The following MGAT4C variants were observed in gnomAD, a reference collection of about 807,000 sequenced individuals.
The protein encoded by MGAT4C is alpha-1,3-mannosyl-glycoprotein 4-beta-N-acetylglucosaminyltransferase C.
In MGAT4C, 19 loss-of-function variants were observed where a neutral mutation model predicts 40.1. That is an observed-to-expected ratio of 0.47 (90% CI 0.33 to 0.70). The LOEUF (loss-of-function observed/expected upper bound fraction) is 0.70. MGAT4C is among the 30% of genes least tolerant of loss of function. MGAT4C has a pLI of 0.02. For synonymous variants in MGAT4C, 181 were observed against 187.1 expected (o/e 0.97, Z 0.27); for missense variants, 491 against 563.2 (o/e 0.87, Z 1.30).
chr12:86,200,391 A>T (rs956437705), intron 1 of MGAT4C, among the ~76,000 whole-genome samples: 3 of 152,050 alleles, frequency 2.0e-5, no homozygotes, highest in Non-Finnish European at 4.4e-5. Context: ...TCTTTAGTAA[A>T]TACCTAGCTG....
At chr12:86,457,032 C>T (rs906947628) in intron 2 of MGAT4C, among the ~76,000 whole-genome samples, 9 of 152,082 alleles carry the variant, frequency 5.9e-5, no homozygotes, top group Non-Finnish European at 1.2e-4. Context: ...TGGTCCAGGA[C>T]GTCCCTATTT....
At chr12:86,744,567 T>C (rs1951122807) in intron 1 of MGAT4C, among the ~76,000 whole-genome samples, 1 of 151,304 alleles carries the variant, frequency 6.6e-6, no homozygotes, top group African/African-American at 2.4e-5. Context: ...AAGCAACCAC[T>C]GGTGATAAAT....
chr12:86,548,140 G>A (rs1262241069), intron 2 of MGAT4C, among the ~76,000 whole-genome samples: 1 of 152,076 alleles, frequency 6.6e-6, no homozygotes, highest in Non-Finnish European at 1.5e-5. Context: ...ATGGAGGGTG[G>A]AGAACAGGAT....
chr12:86,797,876 A>G (rs1321001422), intron 1 of MGAT4C, among the ~76,000 whole-genome samples: 1 of 151,940 alleles, frequency 6.6e-6, no homozygotes, highest in Non-Finnish European at 1.5e-5. Context: ...CCTTTCTTTA[A>G]TCTTACAATT....
chr12:86,807,900 T>C (rs1952390339), intron 1 of MGAT4C, among the ~76,000 whole-genome samples: 1 of 152,126 alleles, frequency 6.6e-6, no homozygotes, highest in African/African-American at 2.4e-5. Flanking sequence ...TTTTTTTCCA[T>C]ATGTTTGCTG....
chr12:86,720,083 TGA>T (rs1950713424), intron 2 of MGAT4C, among the ~76,000 whole-genome samples: 1 of 152,176 alleles, frequency 6.6e-6, no homozygotes, highest in African/African-American at 2.4e-5. Flanking sequence ...AGCCTTGGAC[TGA>T]GAAATATTGT....
At chr12:86,790,257 T>C (rs1314900707) in intron 1 of MGAT4C, among the ~76,000 whole-genome samples, 1 of 152,150 alleles carries the variant, frequency 6.6e-6, no homozygotes, top group African/African-American at 2.4e-5. Flanking sequence ...ATTGGATATA[T>C]TTGAAAACAA....
At chr12:86,527,177 T>G (rs981192609) in intron 2 of MGAT4C, among the ~76,000 whole-genome samples, 11 of 152,230 alleles carry the variant, frequency 7.2e-5, no homozygotes, top group Non-Finnish European at 5.9e-5. Flanking sequence ...TTTAATTTGA[T>G]TTTTGTACAT....
rs5799763 is a variant in MGAT4C at position 85,957,657 on chromosome 12, C to CAAAAAAAAAAAAAAAAAAAA, written c.*21631_*21632insTTTTTTTTTTTTTTTTTTTT. 3 of 101,282 alleles carry CAAAAAAAAAAAAAAAAAAAA rather than the reference C, an allele frequency of 3.0e-5. No homozygotes were observed. Among genetic ancestry groups the CAAAAAAAAAAAAAAAAAAAA allele is most frequent in the African/African-American group, 8.1e-5 (2 of 24,734 alleles). 6.3% of individuals were successfully genotyped at this position (101,282 alleles called of 1,614,324 possible). A position where few individuals can be genotyped will look rare whatever the true frequency, so the allele number is the denominator to read the frequency against. ...TTTACTGTAGAGTTGAATAAGAAAG[C>CAAAAAAAAAAAAAAAAAAAA]AAAAAAAAAAAAAAAAGAAAAAAGA... is the stretch of plus-strand genomic sequence containing the variant. On this transcript the variant is annotated 3_prime_UTR_variant, in exon 5 of 5. Transcript: ENST00000611864.
At chr12:86,462,779 A>G (rs947430777) in intron 2 of MGAT4C, among the ~76,000 whole-genome samples, 2 of 152,134 alleles carry the variant, frequency 1.3e-5, no homozygotes, top group African/African-American at 4.8e-5. Context: ...ATTATAGGAG[A>G]AAGATGAGAC....
At chr12:86,253,010 T>C (rs1316685414) in intron 1 of MGAT4C, among the ~76,000 whole-genome samples, 5 of 151,960 alleles carry the variant, frequency 3.3e-5, no homozygotes, top group Admixed American at 1.3e-4. Context: ...CCAAATATAA[T>C]GTAAAAATCT....
At chr12:86,490,177 G>A (rs1185217340) in intron 2 of MGAT4C, among the ~76,000 whole-genome samples, 7 of 152,090 alleles carry the variant, frequency 4.6e-5, no homozygotes, top group African/African-American at 1.7e-4. Context: ...CAGAGAGAAA[G>A]GTCGGGTTAC....
intron 1 of MGAT4C, among the ~76,000 whole-genome samples, chr12:86,217,806 T>A (rs191170224): frequency 2.1e-4 from 32 of 152,264 alleles, no homozygotes; most frequent in Admixed American, 2.0e-3. Flanking sequence ...AAAGAAAGTA[T>A]TTTTAGTCCC....
intron 1 of MGAT4C, among the ~76,000 whole-genome samples, chr12:86,053,933 T>C (rs1350814929): frequency 1.3e-5 from 2 of 151,570 alleles, no homozygotes; most frequent in Non-Finnish European, 2.9e-5. Context: ...TAAAAAAAGA[T>C]GAAAAATAAG....
At chr12:86,837,445 A>G (rs1239967685) in intron 1 of MGAT4C, among the ~76,000 whole-genome samples, 1 of 152,076 alleles carries the variant, frequency 6.6e-6, no homozygotes, top group East Asian at 1.9e-4. Context: ...AAATTAGAAT[A>G]CACTTAACAA....
intron 1 of MGAT4C, among the ~76,000 whole-genome samples, chr12:86,090,882 A>T (rs1276757959): frequency 6.6e-6 from 1 of 151,930 alleles, no homozygotes; most frequent in Non-Finnish European, 1.5e-5. Flanking sequence ...GTATATTTTT[A>T]AAAATCCTGA....
chr12:86,467,463 T>C (rs1435775031), intron 2 of MGAT4C, among the ~76,000 whole-genome samples: 1 of 152,296 alleles, frequency 6.6e-6, no homozygotes, highest in East Asian at 1.9e-4. Context: ...TTATAACCAA[T>C]GTTATAATTG....
chr12:86,452,186 C>CT (rs1031206864), intron 2 of MGAT4C, among the ~76,000 whole-genome samples: 36 of 144,354 alleles, frequency 2.5e-4, no homozygotes, highest in East Asian at 6.1e-4. Flanking sequence ...TAGGGCCATT[C>CT]TTTTTTTTTT....
intron 1 of MGAT4C, among the ~76,000 whole-genome samples, chr12:86,816,405 A>C (rs1000225873): frequency 4.0e-5 from 6 of 151,880 alleles, no homozygotes; most frequent in Admixed American, 6.6e-5. Flanking sequence ...ATATTTTATC[A>C]GAATATTTTA....
Sources: allele counts gnomAD v4.1 joint callset (sites outside exome capture counted in the v4.1 genomes callset), GRCh38; gene constraint gnomAD v4.1.1; transcripts MANE v1.5; gene names NCBI Gene and HGNC (gene_info 2026-07-23, HGNC 2026-07-21).